The following HECW2 variants were observed in gnomAD, a reference collection of about 807,000 sequenced individuals.
The protein encoded by HECW2 is HECT, C2 and WW domain containing E3 ubiquitin protein ligase 2, also known as E3 ubiquitin-protein ligase HECW2.
HECW2 carries 61 observed loss-of-function variants against 175.2 expected under a neutral mutation model. That is an observed-to-expected ratio of 0.35 (90% CI 0.28 to 0.43). The LOEUF (loss-of-function observed/expected upper bound fraction) is 0.43, where lower values mean the gene tolerates loss of function less well. HECW2 is among the 20% of genes least tolerant of loss of function. The probability of loss-of-function intolerance (pLI) is 1.00; values close to 1 mark genes in which losing one functional copy is unlikely to be tolerated. For synonymous variants in HECW2, 671 were observed against 731.0 expected (o/e 0.92, Z 1.32); for missense variants, 1,524 against 2,000.5 (o/e 0.76, Z 4.54).
At chr2:196,409,872 T>C (rs1326933641) in intron 2 of HECW2, among the ~76,000 whole-genome samples, 2 of 152,158 alleles carry the variant, frequency 1.3e-5, no homozygotes, top group Non-Finnish European at 2.9e-5. Context: ...CTGAATCCCT[T>C]ATACAGTAAA....
chr2:196,301,336 A>C (rs115938594), intron 13 of HECW2, among the ~76,000 whole-genome samples: 10,651 of 152,232 alleles, frequency 0.07, 432 homozygotes, highest in East Asian at 0.13. Flanking sequence ...CGCAATGAAC[A>C]TACATGTTCA....
chr2:196,514,458 G>A (rs1288264140), intron 1 of HECW2, among the ~76,000 whole-genome samples: 2 of 152,308 alleles, frequency 1.3e-5, no homozygotes, highest in East Asian at 3.9e-4. Context: ...GGGCTCCTGG[G>A]TGCAAAGGGG....
intron 1 of HECW2, among the ~76,000 whole-genome samples, chr2:196,476,787 C>T (rs1195008136): frequency 6.6e-6 from 1 of 151,638 alleles, no homozygotes; most frequent in Non-Finnish European, 1.5e-5. Context: ...TTGGGGTACA[C>T]AGAACAGTGG....
chr2:196,221,803 TCCTGC>T (rs1457192794), intron 24 of HECW2, among the ~76,000 whole-genome samples: 2 of 152,168 alleles, frequency 1.3e-5, no homozygotes, highest in East Asian at 3.9e-4. Flanking sequence ...CAACTGATCC[TCCTGC>T]CTTGGCCTCC....
At chr2:196,479,534 A>G (rs1686775972) in intron 1 of HECW2, among the ~76,000 whole-genome samples, 2 of 152,166 alleles carry the variant, frequency 1.3e-5, no homozygotes, top group Non-Finnish European at 2.9e-5. Flanking sequence ...CACATTTCCC[A>G]GGCTGCCTCT....
chr2:196,312,233 G>A (rs577464971), intron 10 of HECW2, among the ~76,000 whole-genome samples: 1 of 131,472 alleles, frequency 7.6e-6, no homozygotes, highest in African/African-American at 2.8e-5. Context: ...GAATTACAAC[G>A]TATCAGGGAT....
At chr2:196,368,818 C>CTT (rs1359467883) in intron 2 of HECW2, among the ~76,000 whole-genome samples, 1 of 152,038 alleles carries the variant, frequency 6.6e-6, no homozygotes, top group African/African-American at 2.4e-5. Flanking sequence ...CTGCTTGACT[C>CTT]TTTTTAGTTA....
chr2:196,391,164 C>T (rs534256533), intron 2 of HECW2, among the ~76,000 whole-genome samples: 5 of 152,252 alleles, frequency 3.3e-5, no homozygotes, highest in African/African-American at 1.2e-4. Flanking sequence ...TATATAGTCT[C>T]TCTGCAGGTT....
At chr2:196,471,977 TAAAAAAAAAA>T (rs34039865) in intron 1 of HECW2, among the ~76,000 whole-genome samples, 2 of 130,242 alleles carry the variant, frequency 1.5e-5, no homozygotes, top group African/African-American at 5.5e-5. Flanking sequence ...AACAAAAGTT[TAAAAAAAAAA>T]AAAAAAGAAA....
chr2:196,541,955 G>T (rs1019463218), intron 1 of HECW2, among the ~76,000 whole-genome samples: 20 of 151,982 alleles, frequency 1.3e-4, no homozygotes, highest in African/African-American at 4.6e-4. Context: ...CAAAAGAAAT[G>T]GAATGTAACA....
chr2:196,347,798 C>A (rs1693014287), intron 2 of HECW2, among the ~76,000 whole-genome samples: 1 of 152,188 alleles, frequency 6.6e-6, no homozygotes, highest in East Asian at 1.9e-4. Flanking sequence ...AGTAAGAGAC[C>A]CTCAAGTTAA....
At chr2:196,430,132 C>T (rs1695666049) in intron 2 of HECW2, among the ~76,000 whole-genome samples, 1 of 152,170 alleles carries the variant, frequency 6.6e-6, no homozygotes, top group Non-Finnish European at 1.5e-5. Flanking sequence ...GATTTTACCA[C>T]AGCCCAAAAG....
chr2:196,249,760 T>C (rs1297648843), intron 19 of HECW2, among the ~76,000 whole-genome samples: 7 of 152,208 alleles, frequency 4.6e-5, no homozygotes, highest in East Asian at 1.9e-4. Flanking sequence ...GTGACTTCCA[T>C]TGATATCAGG....
At chr2:196,531,015 A>G (rs181994341) in intron 1 of HECW2, among the ~76,000 whole-genome samples, 1 of 152,242 alleles carries the variant, frequency 6.6e-6, no homozygotes, top group East Asian at 1.9e-4. Context: ...TTCCTCCGCA[A>G]TATTATCCCT....
At chr2:196,584,602 C>A (rs1330576783) in intron 1 of HECW2, among the ~76,000 whole-genome samples, 1 of 150,662 alleles carries the variant, frequency 6.6e-6, no homozygotes, top group Non-Finnish European at 1.5e-5. Context: ...AAAAAAAAAA[C>A]CTAAATCACT....
intron 1 of HECW2, among the ~76,000 whole-genome samples, chr2:196,462,766 A>C (rs888981311): frequency 3.9e-5 from 6 of 152,262 alleles, no homozygotes; most frequent in African/African-American, 1.4e-4. Context: ...GACACAAGTC[A>C]GGTCAAAACA....
At chr2:196,338,869 C>G (rs921273740) in intron 3 of HECW2, among the ~76,000 whole-genome samples, 1 of 152,158 alleles carries the variant, frequency 6.6e-6, no homozygotes, top group African/African-American at 2.4e-5. Context: ...TATTATGATT[C>G]TTATTCACAG....
At chr2:196,228,734 C>T (rs977417473) in intron 21 of HECW2, among the ~76,000 whole-genome samples, 7 of 152,148 alleles carry the variant, frequency 4.6e-5, no homozygotes, top group African/African-American at 1.7e-4. Flanking sequence ...AAGAAAGATA[C>T]TTCCATGAAT....
intron 1 of HECW2, among the ~76,000 whole-genome samples, chr2:196,469,342 A>T (rs1317108281): frequency 6.6e-6 from 1 of 152,146 alleles, no homozygotes; most frequent in Non-Finnish European, 1.5e-5. Context: ...TATATATTTT[A>T]AAAATGGGGA....
Sources: gnomAD v4.1 joint callset for allele counts (sites outside exome capture counted in the v4.1 genomes callset) on GRCh38, gnomAD v4.1.1 for gene constraint, MANE v1.5 for transcripts, NCBI Gene and HGNC (gene_info 2026-07-23, HGNC 2026-07-21) for gene names.